MDGA2: variants seen among roughly 807,000 people sequenced by gnomAD.
The protein encoded by MDGA2 is MAM domain-containing glycosylphosphatidylinositol anchor protein 2.
A neutral mutation model predicts 117.8 loss-of-function variants in MDGA2; 40 were observed. That is an observed-to-expected ratio of 0.34 (90% confidence interval 0.26 to 0.44). MDGA2 has a LOEUF of 0.44. MDGA2 is among the 20% of genes least tolerant of loss of function. The pLI is 1.00. For synonymous variants in MDGA2, 452 were observed against 439.0 expected (o/e 1.03, Z -0.37); for missense variants, 1,123 against 1,250.6 (o/e 0.90, Z 1.54).
chr14:46,906,972 CTTTTTTTTTT>C (rs372756942), intron 10 of MDGA2, among the ~76,000 whole-genome samples: 14 of 99,564 alleles, frequency 1.4e-4, no homozygotes, highest in Non-Finnish European at 1.9e-4. Context: ...TTACCTTTTT[CTTTTTTTTTT>C]TTTTTTTTTT....
intron 1 of MDGA2, among the ~76,000 whole-genome samples, chr14:47,572,794 T>C (rs1205417204): frequency 6.6e-6 from 1 of 152,138 alleles, no homozygotes; most frequent in African/African-American, 2.4e-5. Flanking sequence ...GGCCCATATA[T>C]AAATGGAACC....
intron 1 of MDGA2, among the ~76,000 whole-genome samples, chr14:47,352,387 T>C (rs1267940395): frequency 9.8e-6 from 1 of 101,896 alleles, no homozygotes; most frequent in Non-Finnish European, 2.0e-5. Context: ...GTTAGGTACT[T>C]CTGCCTTTGG....
At chr14:47,215,590 C>T in intron 3 of MDGA2, among the ~76,000 whole-genome samples, 1 of 151,986 alleles carries the variant, frequency 6.6e-6, no homozygotes, top group Non-Finnish European at 1.5e-5. Context: ...AATTTACTAT[C>T]TGAAGGAATT....
At chr14:47,064,742 A>C (rs1444958675) in intron 6 of MDGA2, among the ~76,000 whole-genome samples, 1 of 152,090 alleles carries the variant, frequency 6.6e-6, no homozygotes, top group Non-Finnish European at 1.5e-5. Context: ...GAAAATATAA[A>C]GTGTTTGATG....
intron 3 of MDGA2, among the ~76,000 whole-genome samples, chr14:47,184,188 G>A (rs985883357): frequency 3.3e-5 from 5 of 151,778 alleles, no homozygotes; most frequent in Admixed American, 3.3e-4. Context: ...TAAACTTCAT[G>A]CTGTTTTCAT....
chr14:47,071,555 T>C (rs1373946233), intron 6 of MDGA2, among the ~76,000 whole-genome samples: 6 of 152,072 alleles, frequency 3.9e-5, no homozygotes, highest in Non-Finnish European at 8.8e-5. Context: ...TGTGGGTTTT[T>C]TTTTTCTCTT....
Position 46,929,601 on chromosome 14 carries a change from GTATATATATATATATA to G in MDGA2, c.2090-9457_2090-9442del, listed in dbSNP as rs756528353. 4.9e-3 allele frequency among the ~76,000 whole-genome samples: 62 copies of G among 12,680 alleles called. 1 individual carries two copies. In the East Asian group the frequency reaches 0.062, roughly 13 times the overall value. 8.3% of individuals were successfully genotyped at this position (12,680 alleles called of 152,430 possible). ...TATACGTGTGTGTGTGTGTGTGTGT[GTATATATATATATATA>G]TATATATATATATATATATATATAT... On this transcript the variant is annotated intron_variant, in intron 9 of 16. Transcript: ENST00000399232.
chr14:47,530,492 C>G (rs1275389756), intron 1 of MDGA2, among the ~76,000 whole-genome samples: 2 of 152,182 alleles, frequency 1.3e-5, no homozygotes, highest in African/African-American at 2.4e-5. Context: ...TGTACTTCTG[C>G]ATACAGATGT....
chr14:47,547,200 CTT>C (rs1895480375), intron 1 of MDGA2, among the ~76,000 whole-genome samples: 1 of 152,098 alleles, frequency 6.6e-6, no homozygotes, highest in African/African-American at 2.4e-5. Flanking sequence ...AATTAAGACT[CTT>C]CTATACATGA....
At chr14:47,125,219 C>T (rs1881840233) in intron 5 of MDGA2, among the ~76,000 whole-genome samples, 1 of 152,106 alleles carries the variant, frequency 6.6e-6, no homozygotes, top group African/African-American at 2.4e-5. Flanking sequence ...CTTCCTCTTG[C>T]ACTTACACTG....
At chr14:47,483,418 CTTT>C (rs57654559) in intron 1 of MDGA2, among the ~76,000 whole-genome samples, 5,910 of 152,120 alleles carry the variant, frequency 0.039, 389 homozygotes, top group African/African-American at 0.14. Flanking sequence ...CTAGACTTGC[CTTT>C]TTTATTTCTT....
intron 2 of MDGA2, among the ~76,000 whole-genome samples, chr14:47,245,123 G>C (rs1406713725): frequency 6.6e-6 from 1 of 151,592 alleles, no homozygotes; most frequent in African/African-American, 2.4e-5. Flanking sequence ...CCCAGGCTTA[G>C]GCAATCCTCC....
intron 6 of MDGA2, among the ~76,000 whole-genome samples, chr14:47,069,881 T>G (rs557068632): frequency 6.6e-6 from 1 of 152,358 alleles, no homozygotes; most frequent in African/African-American, 2.4e-5. Context: ...TATCTTTAAT[T>G]ACTAACAATT....
In MDGA2 at chr14:47,163,803, T is replaced by C. The variant is rs79461471; in HGVS notation, c.596-19529A>G. ...TGGAAGGACCCATTCCAGTGGCATA[T>C]GGTGACAGTAGTGACAACAATGTTG... On this transcript the variant is annotated intron_variant, in intron 3 of 16. Coordinates refer to ENST00000399232, the MANE Select transcript of MDGA2 (RefSeq NM_001113498.3). 5.5e-3 allele frequency among the ~76,000 whole-genome samples: 839 copies of C among 152,336 alleles called. 3 individuals are homozygous for C. Among genetic ancestry groups the C allele is most frequent in the African/African-American group, 0.019 (798 of 41,566 alleles).
At chr14:47,531,505 T>C (rs577902990) in intron 1 of MDGA2, among the ~76,000 whole-genome samples, 8 of 152,218 alleles carry the variant, frequency 5.3e-5, no homozygotes, top group Non-Finnish European at 1.2e-4. Context: ...ATTATTATTA[T>C]ATATGTGACT....
intron 1 of MDGA2, among the ~76,000 whole-genome samples, chr14:47,555,486 G>A (rs8017176): frequency 0.78 from 118,969 of 152,074 alleles, 46,852 homozygotes; most frequent in East Asian, 1. Flanking sequence ...GCCATACTCA[G>A]TGTTGTCATT....
At chr14:47,571,063 AAAAC>A (rs1293568687) in intron 1 of MDGA2, among the ~76,000 whole-genome samples, 2 of 152,220 alleles carry the variant, frequency 1.3e-5, no homozygotes, top group African/African-American at 2.4e-5. Context: ...TTACAAGAAA[AAAAC>A]AAACAACCCC....
intron 3 of MDGA2, among the ~76,000 whole-genome samples, chr14:47,204,958 A>C (rs753675257): frequency 2.6e-5 from 4 of 151,940 alleles, no homozygotes; most frequent in African/African-American, 7.2e-5. Flanking sequence ...CTAAGTCACA[A>C]ATGTAGACAA....
chr14:47,576,928 T>A (rs1282983246), intron 1 of MDGA2, among the ~76,000 whole-genome samples: 1 of 152,074 alleles, frequency 6.6e-6, no homozygotes, highest in Non-Finnish European at 1.5e-5. Flanking sequence ...TTGTTTATTT[T>A]TTTATAGAGA....
Sources: allele counts gnomAD v4.1 joint callset (sites outside exome capture counted in the v4.1 genomes callset), GRCh38; gene constraint gnomAD v4.1.1; transcripts MANE v1.5; gene names NCBI Gene and HGNC (gene_info 2026-07-23, HGNC 2026-07-21).